Variants in AUTS2 observed in about 807,000 individuals in gnomAD.
AUTS2 encodes the protein activator of transcription and developmental regulator AUTS2.
A neutral mutation model predicts 112.4 loss-of-function variants in AUTS2; 17 were observed. The ratio of observed to expected loss-of-function variants is 0.15; its 90% CI spans 0.10 to 0.23. The LOEUF (loss-of-function observed/expected upper bound fraction) is 0.23. Ranked by LOEUF, AUTS2 falls within the 10% of genes least tolerant of loss-of-function variation. AUTS2 has a pLI of 1.00. For synonymous variants in AUTS2, 751 were observed against 702.7 expected (o/e 1.07, Z -1.09); for missense variants, 1,510 against 1,701.6 (o/e 0.89, Z 1.98).
chr7:70,262,433 AC>A (rs1230724812), intron 4 of AUTS2, among the ~76,000 whole-genome samples: 1 of 151,446 alleles, frequency 6.6e-6, no homozygotes, highest in African/African-American at 2.4e-5. Flanking sequence ...CAAGTGATCC[AC>A]CCCCCTCCGC....
intron 5 of AUTS2, among the ~76,000 whole-genome samples, chr7:70,519,543 A>C (rs1483213820): frequency 2.0e-5 from 3 of 152,260 alleles, no homozygotes; most frequent in African/African-American, 4.8e-5. Context: ...GTAGGACATA[A>C]CTAGAGTGTT....
chr7:70,191,913 A>G (rs1467236703), intron 4 of AUTS2, among the ~76,000 whole-genome samples: 1 of 152,084 alleles, frequency 6.6e-6, no homozygotes, highest in Non-Finnish European at 1.5e-5. Flanking sequence ...ATACAAAAAA[A>G]AAAATTAGCT....
Position 70,296,259 on chromosome 7 carries a change from A to G in AUTS2, c.661-139493A>G, listed in dbSNP as rs201043680. Among the ~76,000 whole-genome samples, 10 of 152,376 alleles carry G rather than the reference A, an allele frequency of 6.6e-5. No homozygotes were observed. In the East Asian group the frequency reaches 1.9e-3, roughly 29 times the overall value. On this transcript the variant is annotated intron_variant, in intron 4 of 18. Coordinates refer to ENST00000342771, the MANE Select transcript of AUTS2 (RefSeq NM_015570.4). ...ATCGCATAGTTGAAGAATTGAAGAA[A>G]GCTGATGGGAACAAAGTCATTTTCA... is the stretch of plus-strand genomic sequence containing the variant.
chr7:70,775,468 A>T (rs1429084959), intron 13 of AUTS2, 82 bp downstream of exon 13: 1 of 1,113,276 alleles, frequency 9.0e-7, no homozygotes, highest in Non-Finnish European at 1.3e-6. Context: ...TTACAAGGAA[A>T]TAAGCCATAG....
chr7:70,129,349 C>T (rs1164849258), intron 3 of AUTS2, among the ~76,000 whole-genome samples: 1 of 152,212 alleles, frequency 6.6e-6, no homozygotes, highest in African/African-American at 2.4e-5. Flanking sequence ...AGACCTTCAA[C>T]TGATTGGATA....
chr7:70,393,354 C>G (rs950210617), intron 4 of AUTS2, among the ~76,000 whole-genome samples: 1 of 152,186 alleles, frequency 6.6e-6, no homozygotes, highest in African/African-American at 2.4e-5. Context: ...TGGTGTTTTA[C>G]TAACCAGCAG....
chr7:70,101,994 A>G (rs2129569629), intron 2 of AUTS2, among the ~76,000 whole-genome samples: 1 of 152,060 alleles, frequency 6.6e-6, no homozygotes, highest in South Asian at 2.1e-4. Flanking sequence ...TATTTTATAT[A>G]TTTTGTAATA....
At chr7:70,511,025 T>A (rs1022947684) in intron 5 of AUTS2, among the ~76,000 whole-genome samples, 1 of 152,008 alleles carries the variant, frequency 6.6e-6, no homozygotes, top group Non-Finnish European at 1.5e-5. Flanking sequence ...ATTTTTGTAT[T>A]TTTTGTAGAG....
At chr7:69,876,535 TATATATA>T in intron 1 of AUTS2, among the ~76,000 whole-genome samples, 2 of 49,296 alleles carry the variant, frequency 4.1e-5, no homozygotes, top group South Asian at 6.4e-4. Context: ...TATATATATA[TATATATA>T]TATTTTCAGT....
intron 1 of AUTS2, among the ~76,000 whole-genome samples, chr7:69,653,910 C>G (rs1479709536): frequency 6.6e-6 from 1 of 152,138 alleles, no homozygotes; most frequent in African/African-American, 2.4e-5. Flanking sequence ...CTCTCTGTCT[C>G]TACTTAGTAT....
At chr7:69,714,245 GTATA>G (rs3072322) in intron 1 of AUTS2, among the ~76,000 whole-genome samples, 227 of 132,786 alleles carry the variant, frequency 1.7e-3, no homozygotes, top group African/African-American at 5.1e-3. Context: ...GCATGTGTGT[GTATA>G]TGTGTGTGTG....
At chr7:70,185,415 C>A (rs1809549755) in intron 4 of AUTS2, among the ~76,000 whole-genome samples, 1 of 151,880 alleles carries the variant, frequency 6.6e-6, no homozygotes. Flanking sequence ...CCCCAACATT[C>A]AACTGTTTTT....
chr7:69,985,360 A>G (rs1798467178), intron 2 of AUTS2, among the ~76,000 whole-genome samples: 1 of 151,866 alleles, frequency 6.6e-6, no homozygotes, highest in South Asian at 2.1e-4. Flanking sequence ...GCCTCTGACT[A>G]GTTTTGGAAA....
At chr7:70,086,640 CAAAAAAAA>C in intron 2 of AUTS2, among the ~76,000 whole-genome samples, 1 of 83,562 alleles carries the variant, frequency 1.2e-5, no homozygotes, top group African/African-American at 4.3e-5. Context: ...GACTCCATCT[CAAAAAAAA>C]AAAAAAAAAA....
chr7:70,661,813 A>G (rs1807091019), intron 5 of AUTS2, among the ~76,000 whole-genome samples: 1 of 152,108 alleles, frequency 6.6e-6, no homozygotes, highest in Non-Finnish European at 1.5e-5. Flanking sequence ...CAGGCCCAGC[A>G]CTGACCTCAG....
At chr7:69,967,810 T>G (rs1797692120) in intron 2 of AUTS2, among the ~76,000 whole-genome samples, 1 of 152,176 alleles carries the variant, frequency 6.6e-6, no homozygotes, top group Non-Finnish European at 1.5e-5. Flanking sequence ...AGAAGGTAAG[T>G]CAATATGGTT....
At chr7:70,110,430 C>T (rs570325840) in intron 2 of AUTS2, among the ~76,000 whole-genome samples, 144 of 152,118 alleles carry the variant, frequency 9.5e-4, no homozygotes, top group Non-Finnish European at 1.8e-3. Flanking sequence ...GCAGGAGAAT[C>T]GCTTGAACCC....
intron 5 of AUTS2, among the ~76,000 whole-genome samples, chr7:70,545,730 C>T (rs961400246): frequency 2.0e-5 from 3 of 152,206 alleles, no homozygotes; most frequent in Admixed American, 2.0e-4. Flanking sequence ...AGAGGAGTCA[C>T]CTCTGTCCCT....
chr7:70,543,166 T>A (rs1800622895), intron 5 of AUTS2, among the ~76,000 whole-genome samples: 2 of 152,172 alleles, frequency 1.3e-5, no homozygotes, highest in Admixed American at 1.3e-4. Context: ...TAGATGGACT[T>A]TGAGATCCAA....
Sources: gnomAD v4.1 joint callset for allele counts (sites outside exome capture counted in the v4.1 genomes callset) on GRCh38, gnomAD v4.1.1 for gene constraint, MANE v1.5 for transcripts, NCBI Gene and HGNC (gene_info 2026-07-23, HGNC 2026-07-21) for gene names.